The following POLR2G variants were observed in gnomAD, a reference collection of about 807,000 sequenced individuals.
POLR2G encodes DNA-directed RNA polymerase II subunit RPB7.
POLR2G carries 19 observed loss-of-function variants against 25.7 expected under a neutral mutation model. The observed-to-expected ratio is 0.74, with a 90% CI of 0.52 to 1.08. POLR2G has a LOEUF of 1.08. POLR2G is among the 50% of genes least tolerant of loss of function. The pLI, the probability that POLR2G is intolerant of heterozygous loss-of-function variation, is 0.00. For missense variants in POLR2G, 123 were observed against 218.5 expected (o/e 0.56, Z 2.76); for synonymous variants, 79 against 76.0 (o/e 1.04, Z -0.21).
Position 62,766,623 on chromosome 11 carries a change from C to G in POLR2G, c.*116C>G, listed in dbSNP as rs1441986899. ...TGGAGGCAAGGAAGGCAACTCATCC[C>G]AGAAGGCATCTGGTGCTTCTTGTAG... On this transcript the variant is annotated 3_prime_UTR_variant, in exon 8 of 8. Transcript: ENST00000301788. 1 of 883,478 alleles carries G rather than the reference C, an allele frequency of 1.1e-6. No individual in the cohort carries two copies. Among genetic ancestry groups the G allele is most frequent in the African/African-American group, 1.7e-5 (1 of 60,050 alleles). 54.7% of individuals were successfully genotyped at this position (883,478 alleles called of 1,614,324 possible).
Position 62,765,333 on chromosome 11 carries a change from C to T in POLR2G, c.334-7C>T. ...AAGTGCTAACCTAGATCTCACTTTC[C>T]TTTCAGTCCATCCCTTCAGAGATGG... On this transcript the variant is annotated splice_region_variant and splice_polypyrimidine_tract_variant and intron_variant, in intron 4 of 7. Coordinates refer to ENST00000301788, the MANE Select transcript of POLR2G (RefSeq NM_002696.3). 2.5e-6 allele frequency: 4 copies of T among 1,612,424 alleles called. No individual in the cohort carries two copies. Among genetic ancestry groups the T allele is most frequent in the Non-Finnish European group, 3.4e-6 (4 of 1,178,472 alleles).
Position 62,763,082 on chromosome 11 carries a change from G to T in POLR2G, c.282+56G>T, listed in dbSNP as rs2134855538. The T allele has an allele frequency of 2.5e-6, 3 of 1,214,940 alleles. No individual in the cohort carries two copies. The East Asian group carries it at 7.7e-5, about 31-fold the overall frequency. The allele number at this position is 1,214,940 out of a possible 1,614,324, so 75.3% of individuals were successfully genotyped here. On this transcript the variant is annotated intron_variant, in intron 3 of 7. Transcript: ENST00000301788. ...TAGTCTCTCGGAAGATCTGGGTTGG[G>T]TTCTGGCTCCACTTCATAACTCTGT...
At chr11:62,765,463 A>C in intron 5 of POLR2G, 58 bp downstream of exon 5, 1 of 1,412,466 alleles carries the variant, frequency 7.1e-7, no homozygotes. Flanking sequence ...CCTGAGGGAG[A>C]ATATTGGCCT....
chr11:62,761,979 A>G, intron 2 of POLR2G, 75 bp downstream of exon 2: 1 of 1,062,208 alleles, frequency 9.4e-7, no homozygotes, highest in Admixed American at 1.8e-5. Context: ...CCCCTCCCCA[A>G]CTCCTACTCG....
At chr11:62,764,640 T>G (rs2084105709) in intron 3 of POLR2G, among the ~76,000 whole-genome samples, 1 of 151,482 alleles carries the variant, frequency 6.6e-6, no homozygotes, top group African/African-American at 2.4e-5. Context: ...CAAAAAGTTT[T>G]TAAAAATTAG....
At chr11:62,761,713 C>G in intron 1 of POLR2G, 53 bp downstream of exon 1, 2 of 1,608,918 alleles carry the variant, frequency 1.2e-6, no homozygotes, top group Non-Finnish European at 1.7e-6. Flanking sequence ...AAGAGCAAGG[C>G]CAGGCGCCGG....
chr11:62,766,471 A>AT, intron 7 of POLR2G, 23 bp from the exon 8 acceptor site: 1 of 1,613,730 alleles, frequency 6.2e-7, no homozygotes, highest in Non-Finnish European at 8.5e-7. Context: ...GTTCTAACTG[A>AT]TATGCTTTTT....
At chr11:62,763,056 G>C (rs369808753) in intron 3 of POLR2G, 30 bp downstream of exon 3, 1 of 1,509,442 alleles carries the variant, frequency 6.6e-7, no homozygotes, top group African/African-American at 1.4e-5. Context: ...AGGCAGTGGG[G>C]TAGTCTCTCG....
Position 62,766,662 on chromosome 11 carries a change from T to C in POLR2G, c.*155T>C, listed in dbSNP as rs2084117346. 2.3e-5 allele frequency: 15 copies of C among 641,114 alleles called. No homozygotes were observed. Among genetic ancestry groups the C allele is most frequent in the Non-Finnish European group, 3.9e-5 (14 of 358,902 alleles). The allele number at this position is 641,114 out of a possible 1,614,324, so 39.7% of individuals were successfully genotyped here. A position where few individuals can be genotyped will look rare whatever the true frequency, so the allele number is the denominator to read the frequency against. ...TGCTTCTTGTAGCTTAACTACTGCC[T>C]CCTCATTTTTCAGTATGTGTTCTAA... On this transcript the variant is annotated 3_prime_UTR_variant, in exon 8 of 8. Transcript: ENST00000301788.
chr11:62,763,829 G>A (rs940734079), intron 3 of POLR2G, among the ~76,000 whole-genome samples: 14 of 149,734 alleles, frequency 9.3e-5, no homozygotes, highest in South Asian at 6.4e-4. Context: ...TGCAACCTCC[G>A]CCTCTGGGTT....
intron 3 of POLR2G, among the ~76,000 whole-genome samples, chr11:62,764,654 A>G (rs1389714522): frequency 4.0e-5 from 6 of 151,326 alleles, no homozygotes; most frequent in Non-Finnish European, 8.8e-5. Context: ...AAATTAGCCT[A>G]GCATGGTGGT....
In POLR2G at chr11:62,766,630, C is replaced by T; in HGVS notation, c.*123C>T. On this transcript the variant is annotated 3_prime_UTR_variant, in exon 8 of 8. Transcript: ENST00000301788. ...AAGGAAGGCAACTCATCCCAGAAGG[C>T]ATCTGGTGCTTCTTGTAGCTTAACT... 4 of 816,902 alleles carry T rather than the reference C, an allele frequency of 4.9e-6. No individual in the cohort carries two copies. The allele number at this position is 816,902 out of a possible 1,614,324, so 50.6% of individuals were successfully genotyped here.
chr11:62,765,168 CA>C lies in POLR2G; in HGVS notation c.283-13del. 1 of 1,612,542 alleles carries C rather than the reference CA, an allele frequency of 6.2e-7. No individual in the cohort carries two copies. The highest frequency in any genetic ancestry group is 8.5e-7 in the Non-Finnish European group (1 of 1,179,352). On this transcript the variant is annotated splice_polypyrimidine_tract_variant and intron_variant, in intron 3 of 7. Coordinates refer to ENST00000301788, the MANE Select transcript of POLR2G (RefSeq NM_002696.3). ...CACCGTGCACGGCCGTAAGATCACTCATTTTTTTTCTAGGTTGGACTCTTCA... is the reference window on the plus strand; with the variant it reads ...CACCGTGCACGGCCGTAAGATCACTCTTTTTTTTCTAGGTTGGACTCTTCA...
chr11:62,763,015 C>A lies in POLR2G; in HGVS notation c.271C>A (p.Gln91Lys). The A allele has an allele frequency of 1.2e-6, 2 of 1,600,808 alleles. No homozygotes were observed. The highest frequency in any genetic ancestry group is 1.1e-5 in the South Asian group (1 of 90,164). ...KGEVVDAVVT[Q>K]VNKVGLFTEI... Reference sequence around the variant, plus strand: ...GGAGGTCGTGGATGCTGTTGTCACTCAGGTCAACAAGGTGAGACCATACAT... The same window carrying A: ...GGAGGTCGTGGATGCTGTTGTCACTAAGGTCAACAAGGTGAGACCATACAT... Residue 91 changes from glutamine (Q) to lysine (K), a missense_variant, in exon 3 of 8, where the codon CAG becomes AAG. Transcript: ENST00000301788.
chr11:62,762,957 G>C lies in POLR2G; in HGVS notation c.213G>C (p.Lys71Asn), dbSNP rs2084095992. 6.2e-7 allele frequency: 1 copy of C among 1,612,034 alleles called. No homozygotes were observed. Reference protein sequence around the residue: ...PGRGFVLYPVKYKAIVFRPFK... With the variant: ...PGRGFVLYPVNYKAIVFRPFK... ...GAGGCTTTGTCCTTTATCCAGTTAAGTACAAGGCCATTGTTTTCCGGCCAT... is the reference window on the plus strand; with the variant it reads ...GAGGCTTTGTCCTTTATCCAGTTAACTACAAGGCCATTGTTTTCCGGCCAT... Residue 71 changes from lysine (K) to asparagine (N), a missense_variant, in exon 3 of 8, where the codon AAG (lysine) becomes AAC (asparagine). By Grantham distance (94) the Lys-to-Asn change is moderately conservative. Coordinates refer to ENST00000301788, the MANE Select transcript of POLR2G (RefSeq NM_002696.3).
At position 62,763,014 on chromosome 11, in the gene POLR2G, T is replaced by G; in HGVS notation, c.270T>G (p.Thr90=). ...GGGAGGTCGTGGATGCTGTTGTCAC[T>G]CAGGTCAACAAGGTGAGACCATACA... The part of the protein sequence containing the change: ...FKGEVVDAVV[T]QVNKVGLFTE... The change falls in exon 3 of 8, where the codon ACT becomes ACG. Residue 90 remains threonine, a synonymous_variant. Coordinates refer to ENST00000301788, the MANE Select transcript of POLR2G (RefSeq NM_002696.3). 4 of 1,601,424 alleles carry G rather than the reference T, an allele frequency of 2.5e-6. No homozygotes were observed. The highest frequency in any genetic ancestry group is 3.4e-6 in the Non-Finnish European group (4 of 1,171,212).
At chr11:62,765,607 C>T in intron 5 of POLR2G, 46 bp from the exon 6 acceptor site, 3 of 1,374,600 alleles carry the variant, frequency 2.2e-6, no homozygotes, top group Non-Finnish European at 3.1e-6. Flanking sequence ...GATGTAACTT[C>T]TCATAAACTG....
chr11:62,761,782 C>A lies in POLR2G; in HGVS notation c.13-13C>A. 1 of 1,613,232 alleles carries A rather than the reference C, an allele frequency of 6.2e-7. No individual in the cohort carries two copies. The highest frequency in any genetic ancestry group is 8.5e-7 in the Non-Finnish European group (1 of 1,179,212). ...AGCGCCTGGCCTGGTCGCCATCCCA[C>A]TTTTCTCCGCAGATCTCCCTAGAGC... On this transcript the variant is annotated splice_polypyrimidine_tract_variant and intron_variant, in intron 1 of 7. Transcript: ENST00000301788.
chr11:62,766,137 T>C, intron 6 of POLR2G, 106 bp from the exon 7 acceptor site: 1 of 985,894 alleles, frequency 1.0e-6, no homozygotes, highest in Non-Finnish European at 1.6e-6. Context: ...TCTGTGCTCT[T>C]CTGCCAGGAA....
Sources: allele counts gnomAD v4.1 joint callset (sites outside exome capture counted in the v4.1 genomes callset), GRCh38; gene constraint gnomAD v4.1.1; transcripts MANE v1.5; gene names NCBI Gene and HGNC (gene_info 2026-07-23, HGNC 2026-07-21).